The following FBH1 variants were observed in gnomAD, a reference collection of about 807,000 sequenced individuals.
FBH1 encodes the protein F-box DNA helicase 1.
FBH1 carries 43 observed loss-of-function variants against 115.5 expected under a neutral mutation model. The ratio of observed to expected loss-of-function variants is 0.37; its 90% CI spans 0.29 to 0.48. The LOEUF is 0.48. FBH1 is among the 20% of genes least tolerant of loss of function. The probability of loss-of-function intolerance (pLI) is 0.99; values close to 1 mark genes in which losing one functional copy is unlikely to be tolerated. For synonymous variants in FBH1, 524 were observed against 507.8 expected, an observed-to-expected ratio of 1.03 and a Z score of -0.43; for missense variants, 1,001 against 1,337.3, an observed-to-expected ratio of 0.75 and a Z score of 3.92.
At chr10:5,890,172 C>A, upstream of FBH1, 1 of 329,288 alleles carries the variant, frequency 3.0e-6, no homozygotes, top group Middle Eastern at 8.6e-4. Flanking sequence ...CCGGCTCCGG[C>A]GGCGGGCGCT....
chr10:5,928,047 TG>T (rs1340986576), intron 19 of FBH1, among the ~76,000 whole-genome samples: 13 of 119,152 alleles, frequency 1.1e-4, no homozygotes, highest in Non-Finnish European at 1.9e-4. Flanking sequence ...CCTTCTAACC[TG>T]GGTGACAGAG....
rs1843079187 is a variant in FBH1, at chr10:5,897,494, G to T, written c.2-5526G>T. The stretch of plus-strand genomic sequence containing the variant: ...AGGTTAGTTTTCCTGACCTCCAGCT[G>T]ACGTTAGAAAAGTTATTTTTGATAC... On this transcript the variant is annotated intron_variant, in intron 1 of 20. Transcript: ENST00000362091. The surrounding 1 kb of genome is among the most constrained non-coding windows in gnomAD (Gnocchi z 4.7). 6.6e-6 allele frequency among the ~76,000 whole-genome samples: 1 copy of T among 152,144 alleles called. No homozygotes were observed. Among genetic ancestry groups the T allele is most frequent in the Non-Finnish European group, 1.5e-5 (1 of 68,016 alleles).
chr10:5,928,975 T>C (rs1489495372), intron 19 of FBH1, among the ~76,000 whole-genome samples: 4 of 152,222 alleles, frequency 2.6e-5, no homozygotes, highest in African/African-American at 9.6e-5. Context: ...TACTGCCCTA[T>C]GTGCTCTGGG....
rs1385920424 is a variant in FBH1 at position 5,911,833 on chromosome 10, G to T, written c.1211+705G>T. Reference sequence around the variant, plus strand: ...ATGCTGCTTTAGAGGGGTGGAAAAAGCTTCTCTGAGCAGGTAGTGTCTGAG... The same window carrying T: ...ATGCTGCTTTAGAGGGGTGGAAAAATCTTCTCTGAGCAGGTAGTGTCTGAG... On this transcript the variant is annotated intron_variant, in intron 6 of 20. Coordinates refer to ENST00000362091, the MANE Select transcript of FBH1 (RefSeq NM_178150.3). The surrounding 1 kb of genome is among the most constrained non-coding windows in gnomAD (Gnocchi z 5.4). Among the ~76,000 whole-genome samples the T allele has an allele frequency of 6.6e-6, 1 of 152,160 alleles. No homozygotes were observed. The highest frequency in any genetic ancestry group is 1.5e-5 in the Non-Finnish European group (1 of 68,024).
intron 13 of FBH1, among the ~76,000 whole-genome samples, chr10:5,920,927 G>A (rs17319759): frequency 0.29 from 43,784 of 152,080 alleles, 6,864 homozygotes; most frequent in Middle Eastern, 0.35. Context: ...AGTTTTAAAG[G>A]TAGTGTGGAG....
chr10:5,912,920 A>G (rs1831691515), intron 6 of FBH1, among the ~76,000 whole-genome samples: 1 of 152,224 alleles, frequency 6.6e-6, no homozygotes, highest in African/African-American at 2.4e-5. Flanking sequence ...GGGAGATAAT[A>G]TAATCACATC....
intron 13 of FBH1, among the ~76,000 whole-genome samples, chr10:5,919,358 C>T (rs571307940): frequency 4.6e-5 from 7 of 152,038 alleles, no homozygotes; most frequent in African/African-American, 1.2e-4. Context: ...TGGTGGCTCC[C>T]GCCTGTAGTG....
In FBH1 at chr10:5,906,272, T is replaced by C. The variant is rs1343443969; in HGVS notation, c.393T>C (p.Ser131=). The C allele has an allele frequency of 6.2e-7, 1 of 1,613,740 alleles. No individual in the cohort carries two copies. The highest frequency in any genetic ancestry group is 1.3e-5 in the African/African-American group (1 of 74,816). ...RKRSWSSEEE[S]NQATGTSRWD... ...GGTCTTGGTCCTCTGAGGAAGAGAG[T>C]AACCAGGCTACCGGGACCAGCCGGT... The change falls in exon 3 of 21, where the codon AGT becomes AGC. Residue 131 remains serine, a synonymous_variant. Coordinates refer to ENST00000362091, the MANE Select transcript of FBH1 (RefSeq NM_178150.3). This position sits in a 1 kb window ranked among gnomAD's most constrained non-coding sequence, Gnocchi z 7.3.
rs1037339041 is a variant in FBH1, at chr10:5,927,505, G to T, written c.2793G>T (p.Met931Ile). The T allele has an allele frequency of 1.7e-5, 27 of 1,613,276 alleles. No individual in the cohort carries two copies. The highest frequency in any genetic ancestry group is 2.7e-5 in the African/African-American group (2 of 74,852). ...CTCGAGCCAAGAAGCGTCTCATCAT[G>T]ACCAAATCATTGGAAAACATTTTGA... ...AVTRAKKRLI[M>I]TKSLENILTL... is the part of the protein sequence containing the mutation. Residue 931 changes from methionine (M) to isoleucine (I), a missense_variant, in exon 19 of 21, where the codon ATG (methionine) becomes ATT (isoleucine). Physicochemically the swap from Met to Ile is conservative, Grantham distance 10. This residue lies in a region of FBH1 where 521 missense variants were observed against 811.0 expected (regional missense o/e 0.64). Transcript: ENST00000362091.
At position 5,910,953 on chromosome 10, in the gene FBH1, G is replaced by A. The variant is rs763373387; in HGVS notation, c.1036G>A (p.Ala346Thr). 1 of 1,610,358 alleles carries A rather than the reference G, an allele frequency of 6.2e-7. No homozygotes were observed. The highest frequency in any genetic ancestry group is 2.2e-5 in the East Asian group (1 of 44,874). Residue 346 changes from alanine (A) to threonine (T), a missense_variant, in exon 6 of 21, where the codon GCC becomes ACC. Around this residue, in one of 4 missense-constraint regions of FBH1, gnomAD observed 59 missense variants for 79.7 expected, o/e 0.74. Transcript: ENST00000362091. This position sits in a 1 kb window ranked among gnomAD's most constrained non-coding sequence, Gnocchi z 4.8. ...YAAAGGVNIW[A>T]LVAAVVLLSS... ...TGGCTTGCAGGGTGTCAACATCTGG[G>A]CCCTGGTGGCGGCTGTGGTGCTCCT...
At position 5,890,323 on chromosome 10, in the gene FBH1, G is replaced by GGGGTCC. The variant is rs531634049; in HGVS notation, c.-14_-9dup. On this transcript the variant is annotated 5_prime_UTR_variant, in exon 1 of 21. Coordinates refer to ENST00000362091, the MANE Select transcript of FBH1 (RefSeq NM_178150.3). ...GCGCGGGCCCGGCGGCGGCGGCAGC[G>GGGGTCC]GGGTCCGGGTCCGGAGCGCCACAGT... is the stretch of plus-strand genomic sequence containing the variant. The GGGGTCC allele has an allele frequency of 4.7e-3, 1,764 of 377,330 alleles. 12 individuals are homozygous for GGGGTCC. The highest frequency in any genetic ancestry group is 0.015 in the Middle Eastern group (21 of 1,390). The allele number at this position is 377,330 out of a possible 1,614,324, so 23.4% of individuals were successfully genotyped here. A position where few individuals can be genotyped will look rare whatever the true frequency, so the allele number is the denominator to read the frequency against.
At position 5,923,921 on chromosome 10, in the gene FBH1, A is replaced by C. The variant is rs1832462049; in HGVS notation, c.2398+225A>C. The C allele has an allele frequency of 1.7e-6, 1 of 582,990 alleles. No individual in the cohort carries two copies. Among genetic ancestry groups the C allele is most frequent in the South Asian group, 2.1e-5 (1 of 47,626 alleles). 36.1% of individuals were successfully genotyped at this position (582,990 alleles called of 1,614,324 possible). Reference sequence around the variant, plus strand: ...ACAGGAGCCTCAGTCTCTTTCCAACACTGGTCCCATAGACTGTCTTCCCCT... The same window carrying C: ...ACAGGAGCCTCAGTCTCTTTCCAACCCTGGTCCCATAGACTGTCTTCCCCT... On this transcript the variant is annotated intron_variant, in intron 16 of 20. Transcript: ENST00000362091. The surrounding 1 kb of genome is among the most constrained non-coding windows in gnomAD (Gnocchi z 5.7).
Position 5,911,206 on chromosome 10 carries a change from A to G in FBH1, c.1211+78A>G. The G allele has an allele frequency of 7.0e-7, 1 of 1,425,118 alleles. No homozygotes were observed. The highest frequency in any genetic ancestry group is 9.6e-7 in the Non-Finnish European group (1 of 1,045,110). 88.3% of individuals were successfully genotyped at this position (1,425,118 alleles called of 1,614,324 possible). On this transcript the variant is annotated intron_variant, in intron 6 of 20. Transcript: ENST00000362091. The surrounding 1 kb of genome is among the most constrained non-coding windows in gnomAD (Gnocchi z 5.4). ...ACACAGCAGCAGGTCCAGCCCTGCCACTTAGCAGTGTTAGCACCTGGCAGG... is the reference window on the plus strand; with the variant it reads ...ACACAGCAGCAGGTCCAGCCCTGCCGCTTAGCAGTGTTAGCACCTGGCAGG...
At chr10:5,891,694 C>T (rs1373153762) in intron 1 of FBH1, among the ~76,000 whole-genome samples, 2 of 152,210 alleles carry the variant, frequency 1.3e-5, no homozygotes, top group East Asian at 3.9e-4. Flanking sequence ...ACTGCAACCT[C>T]CCCCTCCCGG....
intron 19 of FBH1, among the ~76,000 whole-genome samples, chr10:5,929,113 C>T (rs964178451): frequency 2.0e-5 from 3 of 152,184 alleles, no homozygotes; most frequent in Admixed American, 1.3e-4. Flanking sequence ...GGGCCTAACA[C>T]TTGCCAAGCA....
chr10:5,904,735 C>T (rs1331063083), intron 2 of FBH1, among the ~76,000 whole-genome samples: 1 of 152,026 alleles, frequency 6.6e-6, no homozygotes, highest in Non-Finnish European at 1.5e-5. Flanking sequence ...AAAGAAAATG[C>T]TAGGATTTAA....
At chr10:5,926,675 C>G (rs2132083394) in intron 18 of FBH1, among the ~76,000 whole-genome samples, 1 of 152,260 alleles carries the variant, frequency 6.6e-6, no homozygotes, top group Middle Eastern at 3.4e-3. Context: ...AGGGAGGCAG[C>G]CATGGAGAAG....
At chr10:5,903,353 G>A (rs906942756) in intron 2 of FBH1, among the ~76,000 whole-genome samples, 178 bp downstream of exon 2, 3 of 147,462 alleles carry the variant, frequency 2.0e-5, no homozygotes, top group Admixed American at 6.8e-5. Context: ...TTTTTGAGAC[G>A]GAGTTTCAAT....
chr10:5,908,585 C>G (rs1843867841), intron 3 of FBH1, among the ~76,000 whole-genome samples: 1 of 151,532 alleles, frequency 6.6e-6, no homozygotes, highest in Non-Finnish European at 1.5e-5. Context: ...GTGTTTGTGG[C>G]TTAATCTGCT....
Sources: gnomAD v4.1 joint callset for allele counts (sites outside exome capture counted in the v4.1 genomes callset) on GRCh38, gnomAD v4.1.1 for gene constraint, gnomAD v4.1.1 regional missense constraint, Gnocchi (gnomAD v3.1) non-coding constraint, MANE v1.5 for transcripts, NCBI Gene and HGNC (gene_info 2026-07-23, HGNC 2026-07-21) for gene names.